Variants in SDK1 observed in about 807,000 individuals in gnomAD.
The protein encoded by SDK1 is protein sidekick-1.
Under a neutral mutation model 245.5 loss-of-function variants are expected in SDK1, and 157 were observed. The observed-to-expected ratio is 0.64, with a 90% CI of 0.56 to 0.73. The LOEUF is 0.73. SDK1 is among the 30% of genes least tolerant of loss of function. SDK1 has a pLI of 0.00. For missense variants in SDK1, 3,583 were observed against 3,002.3 expected, an observed-to-expected ratio of 1.19 and a Z score of -4.52; for synonymous variants, 1,647 against 1,278.5, an observed-to-expected ratio of 1.29 and a Z score of -6.15.
At chr7:4,148,471 C>T (rs1780138711) in intron 29 of SDK1, among the ~76,000 whole-genome samples, 1 of 152,262 alleles carries the variant, frequency 6.6e-6, no homozygotes, top group Non-Finnish European at 1.5e-5. Context: ...ACACCAGAGG[C>T]AGTGACAGCC....
Position 4,267,482 on chromosome 7 carries a change from A to C in SDK1, c.*2098A>C, listed in dbSNP as rs939034679. ...GAGACTCACCACAGTGGACAGTGCCACCTCCTTCCCCTCGGCCCCGGAGAG... is the reference window on the plus strand; with the variant it reads ...GAGACTCACCACAGTGGACAGTGCCCCCTCCTTCCCCTCGGCCCCGGAGAG... On this transcript the variant is annotated 3_prime_UTR_variant, in exon 45 of 45. Coordinates refer to ENST00000404826, the MANE Select transcript of SDK1 (RefSeq NM_152744.4). The C allele has an allele frequency of 8.1e-6, 8 of 984,984 alleles. No homozygotes were observed. The highest frequency in any genetic ancestry group is 8.4e-6 in the Non-Finnish European group (7 of 829,896). The allele number at this position is 984,984 out of a possible 1,614,324, so 61.0% of individuals were successfully genotyped here.
At chr7:3,706,550 C>T (rs752792541) in intron 4 of SDK1, among the ~76,000 whole-genome samples, 19 of 152,014 alleles carry the variant, frequency 1.2e-4, no homozygotes, top group Non-Finnish European at 1.6e-4. Flanking sequence ...TACAGGTGCC[C>T]GCCACCACAC....
intron 40 of SDK1, 82 bp downstream of exon 40, chr7:4,221,446 T>C (rs1785150544): frequency 6.8e-7 from 1 of 1,474,106 alleles, no homozygotes; most frequent in Non-Finnish European, 9.1e-7. Flanking sequence ...CTTCCATCAC[T>C]TTCTCTTTCA....
chr7:4,195,376 G>T (rs1336887994), intron 35 of SDK1, among the ~76,000 whole-genome samples: 1 of 152,098 alleles, frequency 6.6e-6, no homozygotes, highest in African/African-American at 2.4e-5. Context: ...AGAACACTCT[G>T]CCCTGGCTGC....
At chr7:4,161,413 C>G (rs1172138472) in intron 31 of SDK1, among the ~76,000 whole-genome samples, 1 of 152,010 alleles carries the variant, frequency 6.6e-6, no homozygotes, top group East Asian at 1.9e-4. Flanking sequence ...ACCTAGGTAT[C>G]TTAAAAAAAA....
chr7:3,912,370 C>T (rs185714008), intron 5 of SDK1, among the ~76,000 whole-genome samples: 155 of 152,296 alleles, frequency 1.0e-3, no homozygotes, highest in African/African-American at 3.2e-3. Flanking sequence ...CTCTTTTTCA[C>T]GGTAACTGGT....
chr7:3,510,957 G>A (rs976431217), intron 1 of SDK1, among the ~76,000 whole-genome samples: 8 of 152,200 alleles, frequency 5.3e-5, no homozygotes, highest in African/African-American at 1.4e-4. Flanking sequence ...AACAAGAAGA[G>A]ATGAGATCAA....
intron 1 of SDK1, among the ~76,000 whole-genome samples, chr7:3,363,323 T>C (rs901793352): frequency 2.0e-5 from 3 of 152,210 alleles, no homozygotes; most frequent in Non-Finnish European, 4.4e-5. Flanking sequence ...TATTAAGTAG[T>C]GTTCCATGGA....
rs556976859 is a variant in SDK1, at chr7:3,873,943, T to C, written c.847+52360T>C. Among the ~76,000 whole-genome samples the C allele has an allele frequency of 2.0e-5, 3 of 152,350 alleles. No homozygotes were observed. In the South Asian group the frequency reaches 6.2e-4, roughly 32 times the overall value. ...CAAGATACATGTCATGTCTGAGTCT[T>C]CTTCTGATCATTGTTTTGTCTCTTT... On this transcript the variant is annotated intron_variant, in intron 5 of 44. Coordinates refer to ENST00000404826, the MANE Select transcript of SDK1 (RefSeq NM_152744.4).
chr7:3,934,939 G>A (rs1780103416), intron 5 of SDK1, among the ~76,000 whole-genome samples: 2 of 152,224 alleles, frequency 1.3e-5, no homozygotes, highest in South Asian at 4.1e-4. Flanking sequence ...CAGGGAGACT[G>A]TGCAAAGCCC....
intron 2 of SDK1, among the ~76,000 whole-genome samples, chr7:3,626,668 G>C (rs1479286004): frequency 6.6e-6 from 1 of 152,188 alleles, no homozygotes; most frequent in Non-Finnish European, 1.5e-5. Flanking sequence ...TGTGGCACCA[G>C]CCCTAGTGTC....
chr7:4,192,624 C>T (rs998391231), intron 35 of SDK1, among the ~76,000 whole-genome samples: 4 of 152,154 alleles, frequency 2.6e-5, no homozygotes, highest in Non-Finnish European at 4.4e-5. Flanking sequence ...TCAGAGAATG[C>T]TTTGCACATT....
At chr7:3,358,562 T>A (rs1780870793) in intron 1 of SDK1, among the ~76,000 whole-genome samples, 1 of 152,094 alleles carries the variant, frequency 6.6e-6, no homozygotes, top group South Asian at 2.1e-4. Context: ...GCTTACAGCA[T>A]AAGTTAAGGT....
At chr7:3,518,886 G>C (rs561377408) in intron 1 of SDK1, among the ~76,000 whole-genome samples, 2 of 152,080 alleles carry the variant, frequency 1.3e-5, no homozygotes, top group African/African-American at 4.8e-5. Flanking sequence ...ACAAGATATG[G>C]AAGTAACCCA....
At chr7:4,245,945 A>T (rs1431010408) in intron 44 of SDK1, 140 bp downstream of exon 44, 3 of 1,058,718 alleles carry the variant, frequency 2.8e-6, no homozygotes, top group Non-Finnish European at 4.1e-6. Context: ...GGGCTTCATT[A>T]TGCAGATGAG....
At chr7:3,471,423 A>G (rs1420782511) in intron 1 of SDK1, among the ~76,000 whole-genome samples, 1 of 152,162 alleles carries the variant, frequency 6.6e-6, no homozygotes, top group Admixed American at 6.5e-5. Flanking sequence ...ATCTCCTGAT[A>G]TTGTAAATTG....
intron 2 of SDK1, among the ~76,000 whole-genome samples, chr7:3,636,226 A>G (rs770053742): frequency 1.4e-4 from 22 of 152,276 alleles, no homozygotes; most frequent in Non-Finnish European, 1.5e-4. Flanking sequence ...TGTGATAAAA[A>G]CACATAAAAC....
At chr7:3,933,740 T>C (rs1291038564) in intron 5 of SDK1, among the ~76,000 whole-genome samples, 1 of 152,230 alleles carries the variant, frequency 6.6e-6, no homozygotes, top group Non-Finnish European at 1.5e-5. Context: ...AAAATATTTC[T>C]TCTGTTCCAG....
At chr7:3,614,169 A>G (rs1326474462) in intron 1 of SDK1, among the ~76,000 whole-genome samples, 1 of 152,218 alleles carries the variant, frequency 6.6e-6, no homozygotes, top group Non-Finnish European at 1.5e-5. Context: ...TGTTAAGTCT[A>G]TTCCTGTCCT....
Sources: allele counts gnomAD v4.1 joint callset (sites outside exome capture counted in the v4.1 genomes callset), GRCh38; gene constraint gnomAD v4.1.1; transcripts MANE v1.5; gene names NCBI Gene and HGNC (gene_info 2026-07-23, HGNC 2026-07-21).